The following GSTM3 variants were observed in gnomAD, a reference collection of about 807,000 sequenced individuals.
The protein encoded by GSTM3 is glutathione S-transferase mu 3.
Under a neutral mutation model 36.1 loss-of-function variants are expected in GSTM3, and 34 were observed. The observed-to-expected ratio is 0.94, with a 90% CI of 0.72 to 1.25. GSTM3 has a LOEUF of 1.25. Ranked by LOEUF, GSTM3 falls within the 50% of genes most tolerant of loss-of-function variation. GSTM3 has a pLI of 0.00. For missense variants in GSTM3, 266 were observed against 281.6 expected, an observed-to-expected ratio of 0.94 and a Z score of 0.40; for synonymous variants, 102 against 99.5, an observed-to-expected ratio of 1.03 and a Z score of -0.15.
At chr1:109,737,222 T>C (rs1570662704) in intron 8 of GSTM3, 53 bp from the exon 9 acceptor site, 1 of 1,232,138 alleles carries the variant, frequency 8.1e-7, no homozygotes, top group Admixed American at 1.7e-5. Context: ...GTCCAACAGA[T>C]GCATACCAGA....
chr1:109,736,825 G>A lies in GSTM3; in HGVS notation c.*246C>T, dbSNP rs1649212744. 2 of 455,738 alleles carry A rather than the reference G, an allele frequency of 4.4e-6. No homozygotes were observed. The highest frequency in any genetic ancestry group is 5.3e-5 in the South Asian group (2 of 37,394). The allele number at this position is 455,738 out of a possible 1,614,324, so 28.2% of individuals were successfully genotyped here. A position where few individuals can be genotyped will look rare whatever the true frequency, so the allele number is the denominator to read the frequency against. On this transcript the variant is annotated 3_prime_UTR_variant, in exon 9 of 9. Transcript: ENST00000361066. ...CGTTTTTTCTAGTACCCACTCTCAGGGCTTGGGCATGAACCTACAGCCCTT... is the reference window on the plus strand; with the variant it reads ...CGTTTTTTCTAGTACCCACTCTCAGAGCTTGGGCATGAACCTACAGCCCTT...
rs1273294828 is a variant in GSTM3 at position 109,740,290 on chromosome 1, T to C, written c.-3A>G. On this transcript the variant is annotated 5_prime_UTR_variant, in exon 2 of 9. Transcript: ENST00000361066. ...ACCATAGACGACTCGCACGACATGG[T>C]GACGGGCTTCCGAGCCTTCGAGGAC... The C allele has an allele frequency of 6.2e-7, 1 of 1,613,250 alleles. No individual in the cohort carries two copies. The highest frequency in any genetic ancestry group is 1.7e-5 in the Admixed American group (1 of 59,970).
At position 109,740,264 on chromosome 1, in the gene GSTM3, A is replaced by G. The variant is rs1031517937; in HGVS notation, c.24T>C (p.Val8=). Residue 8 remains valine, a synonymous_variant, in exon 2 of 9, where the codon GTT becomes GTC. Coordinates refer to ENST00000361066, the MANE Select transcript of GSTM3 (RefSeq NM_000849.5). The part of the protein sequence containing the change: MSCESSM[V]LGYWDIRGLA... The stretch of plus-strand genomic sequence containing the variant: ...CCCCACGAATATCCCAGTACCCGAG[A>G]ACCATAGACGACTCGCACGACATGG... The G allele has an allele frequency of 1.2e-6, 2 of 1,613,706 alleles. No homozygotes were observed. Among genetic ancestry groups the G allele is most frequent in the Admixed American group, 3.3e-5 (2 of 59,992 alleles).
Position 109,736,006 on chromosome 1 carries a change from C to T in GSTM3, c.*1065G>A, listed in dbSNP as rs556764618. On this transcript the variant is annotated 3_prime_UTR_variant, in exon 9 of 9. Coordinates refer to ENST00000361066, the MANE Select transcript of GSTM3 (RefSeq NM_000849.5). ...ATATGATTTAAATTTTACAATTGTC[C>T]TCCAAAGTAGCTATACTAATTTACA... The T allele has an allele frequency of 1.3e-5, 2 of 152,222 alleles. No homozygotes were observed. The highest frequency in any genetic ancestry group is 4.1e-4 in the South Asian group (2 of 4,820). The allele number at this position is 152,222 out of a possible 1,614,324, so 9.4% of individuals were successfully genotyped here.
In GSTM3 at chr1:109,734,709, A is replaced by T. The variant is rs988413927; in HGVS notation, c.*2362T>A. 42 of 152,276 alleles carry T rather than the reference A, an allele frequency of 2.8e-4. No individual in the cohort carries two copies. The highest frequency in any genetic ancestry group is 1.0e-3 in the African/African-American group (42 of 41,452). The allele number at this position is 152,276 out of a possible 1,614,324, so 9.4% of individuals were successfully genotyped here. On this transcript the variant is annotated 3_prime_UTR_variant, in exon 9 of 9. Transcript: ENST00000361066. ...CCCCCATGCCCAAGATACTGGCCTG[A>T]ACACCTAATCCCTGCTCACAGGGGG...
intron 6 of GSTM3, 54 bp downstream of exon 6, chr1:109,738,037 A>C: frequency 8.7e-7 from 1 of 1,151,358 alleles, no homozygotes; most frequent in South Asian, 1.2e-5. Context: ...TTGGGTTCCT[A>C]AATACCCCTT....
intron 2 of GSTM3, 30 bp downstream of exon 2, chr1:109,740,210 G>A (rs770909787): frequency 1.1e-5 from 17 of 1,602,170 alleles, no homozygotes; most frequent in Non-Finnish European, 1.5e-5. Flanking sequence ...CTCTTTGACC[G>A]AGCGGCTCTA....
chr1:109,738,257 G>A (rs1018109376), intron 5 of GSTM3, 28 bp downstream of exon 5: 1 of 1,604,186 alleles, frequency 6.2e-7, no homozygotes, highest in East Asian at 2.2e-5. Flanking sequence ...ACCAGCCTGG[G>A]GTCCCTCACC....
At position 109,735,636 on chromosome 1, in the gene GSTM3, T is replaced by TAG. The variant is rs1254318879; in HGVS notation, c.*1434_*1435insCT. The TAG allele has an allele frequency of 0.16, 18,252 of 117,150 alleles. 3,634 individuals are homozygous for TAG. Among genetic ancestry groups the TAG allele is most frequent in the African/African-American group, 0.32 (8,971 of 28,398 alleles). 7.3% of individuals were successfully genotyped at this position (117,150 alleles called of 1,614,324 possible). ...CTTAGTATATGTCTCTTTGAATGTTTTTTTTTTTTTTTTTTTTTTTTTTTT... is the reference window on the plus strand; with the variant it reads ...CTTAGTATATGTCTCTTTGAATGTTTAGTTTTTTTTTTTTTTTTTTTTTTTTT... On this transcript the variant is annotated 3_prime_UTR_variant, in exon 9 of 9. Coordinates refer to ENST00000361066, the MANE Select transcript of GSTM3 (RefSeq NM_000849.5).
At position 109,734,687 on chromosome 1, in the gene GSTM3, C is replaced by G. The variant is rs1032358147; in HGVS notation, c.*2384G>C. On this transcript the variant is annotated 3_prime_UTR_variant, in exon 9 of 9. Coordinates refer to ENST00000361066, the MANE Select transcript of GSTM3 (RefSeq NM_000849.5). ...ATACCTCTTCTGGCCAAAGGCTCCC[C>G]CATGCCCAAGATACTGGCCTGAACA... 4 of 152,222 alleles carry G rather than the reference C, an allele frequency of 2.6e-5. No homozygotes were observed. Among genetic ancestry groups the G allele is most frequent in the South Asian group, 4.1e-4 (2 of 4,834 alleles). 9.4% of individuals were successfully genotyped at this position (152,222 alleles called of 1,614,324 possible).
chr1:109,739,737 C>A lies in GSTM3; in HGVS notation c.124+96G>T, dbSNP rs1649310766. 7.4e-6 allele frequency: 7 copies of A among 950,738 alleles called. No individual in the cohort carries two copies. The Middle Eastern group carries it at 8.7e-4, about 119-fold the overall frequency. The allele number at this position is 950,738 out of a possible 1,614,324, so 58.9% of individuals were successfully genotyped here. A position where few individuals can be genotyped will look rare whatever the true frequency, so the allele number is the denominator to read the frequency against. Reference sequence around the variant, plus strand: ...CACCCAGATTGGGGCAAACGTCCCACCCGGCCTTGGCGCGACGCCACCACC... The same window carrying A: ...CACCCAGATTGGGGCAAACGTCCCAACCGGCCTTGGCGCGACGCCACCACC... On this transcript the variant is annotated intron_variant, in intron 3 of 8. Coordinates refer to ENST00000361066, the MANE Select transcript of GSTM3 (RefSeq NM_000849.5).
intron 3 of GSTM3, 85 bp downstream of exon 3, chr1:109,739,748 C>A (rs1186659161): frequency 5.6e-6 from 6 of 1,062,794 alleles, no homozygotes; most frequent in African/African-American, 1.6e-5. Flanking sequence ...CCGGCCTTGG[C>A]GCGACGCCAC....
In GSTM3 at chr1:109,739,404, C is replaced by T. The variant is rs368764245; in HGVS notation, c.189+25G>A. 1.0e-5 allele frequency: 16 copies of T among 1,570,860 alleles called. No individual in the cohort carries two copies. The East Asian group carries it at 1.8e-4, about 18-fold the overall frequency. On this transcript the variant is annotated intron_variant, in intron 4 of 8. Coordinates refer to ENST00000361066, the MANE Select transcript of GSTM3 (RefSeq NM_000849.5). Reference sequence around the variant, plus strand: ...ATACTTGAAGGCTTTCCCTTCTGCCCGCCACCTCTACTAAAGCCACTTACA... The same window carrying T: ...ATACTTGAAGGCTTTCCCTTCTGCCTGCCACCTCTACTAAAGCCACTTACA...
At chr1:109,740,113 C>A in intron 2 of GSTM3, 127 bp downstream of exon 2, 3 of 971,066 alleles carry the variant, frequency 3.1e-6, no homozygotes, top group East Asian at 2.6e-5. Context: ...GGTCGACATC[C>A]GTGGCTCGGC....
At position 109,735,633 on chromosome 1, in the gene GSTM3, G is replaced by GTTTTT. The variant is rs34865003; in HGVS notation, c.*1433_*1437dup. 6.6e-5 allele frequency: 4 copies of GTTTTT among 60,718 alleles called. No individual in the cohort carries two copies. Among genetic ancestry groups the GTTTTT allele is most frequent in the Non-Finnish European group, 1.1e-4 (3 of 28,564 alleles). The allele number at this position is 60,718 out of a possible 1,614,324, so 3.8% of individuals were successfully genotyped here. On this transcript the variant is annotated 3_prime_UTR_variant, in exon 9 of 9. Coordinates refer to ENST00000361066, the MANE Select transcript of GSTM3 (RefSeq NM_000849.5). Reference sequence around the variant, plus strand: ...CATCTTAGTATATGTCTCTTTGAATGTTTTTTTTTTTTTTTTTTTTTTTTT... The same window carrying GTTTTT: ...CATCTTAGTATATGTCTCTTTGAATGTTTTTTTTTTTTTTTTTTTTTTTTTTTTTT...
chr1:109,737,333 T>C, intron 8 of GSTM3, 124 bp downstream of exon 8: 1 of 825,452 alleles, frequency 1.2e-6, no homozygotes, highest in Non-Finnish European at 2.1e-6. Context: ...CTTAAAGGTC[T>C]AGAGGTGTCC....
At chr1:109,737,199 C>A (rs1537234) in intron 8 of GSTM3, 30 bp from the exon 9 acceptor site, 645,887 of 1,469,816 alleles carry the variant, frequency 0.44, 150,054 homozygotes, top group East Asian at 0.83. Flanking sequence ...AATCTTATAA[C>A]GACCCCAACC....
Position 109,740,331 on chromosome 1 carries a change from C to A in GSTM3, c.-44G>T, listed in dbSNP as rs760502323. Reference sequence around the variant, plus strand: ...CTTCGAGGACTAGGGAAACTGTGAGCGGGAGGGGCTTTATACCCGACATAA... The same window carrying A: ...CTTCGAGGACTAGGGAAACTGTGAGAGGGAGGGGCTTTATACCCGACATAA... On this transcript the variant is annotated 5_prime_UTR_variant, in exon 2 of 9. Transcript: ENST00000361066. 1.3e-6 allele frequency: 2 copies of A among 1,583,314 alleles called. No homozygotes were observed. The highest frequency in any genetic ancestry group is 1.3e-5 in the African/African-American group (1 of 74,320).
rs961395111 is a variant in GSTM3 at position 109,734,394 on chromosome 1, T to C, written c.*2677A>G. The C allele has an allele frequency of 1.3e-5, 2 of 152,256 alleles. No homozygotes were observed. The highest frequency in any genetic ancestry group is 6.5e-5 in the Admixed American group (1 of 15,284). The allele number at this position is 152,256 out of a possible 1,614,324, so 9.4% of individuals were successfully genotyped here. On this transcript the variant is annotated 3_prime_UTR_variant, in exon 9 of 9. Transcript: ENST00000361066. ...TATAGGCACTGTCTTGCCGTTGTTC[T>C]TGTGAACATAGTTCCTTTCTATCCC...
Sources: gnomAD v4.1 joint callset for allele counts on GRCh38, gnomAD v4.1.1 for gene constraint, MANE v1.5 for transcripts, NCBI Gene and HGNC (gene_info 2026-07-23, HGNC 2026-07-21) for gene names.